CGGBP1: variants seen among roughly 807,000 people sequenced by gnomAD.
CGGBP1 encodes CGG triplet repeat binding protein 1.
Under a neutral mutation model 11.4 loss-of-function variants are expected in CGGBP1, and 4 were observed. The ratio of observed to expected loss-of-function variants is 0.35; its 90% CI spans 0.17 to 0.80. The LOEUF (loss-of-function observed/expected upper bound fraction) is 0.80. CGGBP1 is among the 30% of genes least tolerant of loss of function. The probability of loss-of-function intolerance (pLI) is 0.52; values close to 1 mark genes in which losing one functional copy is unlikely to be tolerated. For missense variants in CGGBP1, 135 were observed against 202.1 expected (o/e 0.67, Z 2.01); for synonymous variants, 76 against 74.1 (o/e 1.03, Z -0.13).
Position 88,070,574 on chromosome 3 carries a change from T to G in CGGBP1, c.-228-12351A>C, listed in dbSNP as rs1180312576. ...AGGCAACACTGCCTGTTTTTTTTTT[T>G]TTTTTTTTTTTTTTTGCAGATCATA... On this transcript the variant is annotated intron_variant, in intron 2 of 3. Coordinates refer to the CGGBP1 transcript ENST00000462901. 1.3e-3 allele frequency among the ~76,000 whole-genome samples: 26 copies of G among 19,768 alleles called. No homozygotes were observed. In the Admixed American group the frequency reaches 0.03, roughly 23 times the overall value. The allele number at this position is 19,768 out of a possible 152,430, so 13.0% of individuals were successfully genotyped here.
chr3:88,083,254 T>A (rs1708173847), intron 2 of CGGBP1, among the ~76,000 whole-genome samples: 1 of 152,224 alleles, frequency 6.6e-6, no homozygotes, highest in African/African-American at 2.4e-5. Context: ...AGATGATATA[T>A]TTTAGTGTTC....
At chr3:88,148,405 C>T (rs1264815535) in intron 1 of CGGBP1, among the ~76,000 whole-genome samples, 2 of 152,162 alleles carry the variant, frequency 1.3e-5, no homozygotes, top group African/African-American at 2.4e-5. Flanking sequence ...CATATTTTAG[C>T]ACTTATCTTG....
At chr3:88,065,991 C>T (rs559814020) in intron 2 of CGGBP1, among the ~76,000 whole-genome samples, 34 of 152,276 alleles carry the variant, frequency 2.2e-4, no homozygotes, top group African/African-American at 7.9e-4. Flanking sequence ...ACTGTGGCCT[C>T]CCATGATGCT....
At chr3:88,128,243 G>A (rs78560074) in intron 2 of CGGBP1, among the ~76,000 whole-genome samples, 9 of 152,012 alleles carry the variant, frequency 5.9e-5, no homozygotes, top group African/African-American at 2.2e-4. Flanking sequence ...ATTATCCTTA[G>A]TAATACATAA....
chr3:88,069,762 G>A (rs1707405220), intron 2 of CGGBP1, among the ~76,000 whole-genome samples: 2 of 152,120 alleles, frequency 1.3e-5, no homozygotes, highest in Non-Finnish European at 2.9e-5. Flanking sequence ...ACAAATTATA[G>A]CAGTTCTCAA....
At chr3:88,146,112 T>TAA (rs1336894030) in intron 1 of CGGBP1, among the ~76,000 whole-genome samples, 1 of 152,184 alleles carries the variant, frequency 6.6e-6, no homozygotes, top group African/African-American at 2.4e-5. Flanking sequence ...CAGTGATTCT[T>TAA]AAAGCGTGGT....
chr3:88,094,597 A>T (rs996382794), intron 2 of CGGBP1, among the ~76,000 whole-genome samples: 30 of 152,148 alleles, frequency 2.0e-4, no homozygotes, highest in African/African-American at 7.2e-4. Context: ...GTCAGTGTGG[A>T]TATACAAAAA....
chr3:88,096,762 G>A (rs4434168), intron 2 of CGGBP1, among the ~76,000 whole-genome samples: 118,948 of 151,924 alleles, frequency 0.78, 47,467 homozygotes, highest in South Asian at 0.91. Context: ...TTCGAAAAGT[G>A]TGGCGTATAC....
At chr3:88,093,811 T>C (rs1471734286) in intron 2 of CGGBP1, among the ~76,000 whole-genome samples, 1 of 152,190 alleles carries the variant, frequency 6.6e-6, no homozygotes, top group Non-Finnish European at 1.5e-5. Context: ...GGAAATGACT[T>C]GGAAATAAAG....
At chr3:88,129,531 A>G (rs1450546636) in intron 2 of CGGBP1, among the ~76,000 whole-genome samples, 1 of 152,168 alleles carries the variant, frequency 6.6e-6, no homozygotes, top group African/African-American at 2.4e-5. Flanking sequence ...CAGTGAAACT[A>G]TGAAACCATG....
chr3:88,091,180 A>G (rs1708612275), intron 2 of CGGBP1, among the ~76,000 whole-genome samples: 1 of 152,188 alleles, frequency 6.6e-6, no homozygotes, highest in South Asian at 2.1e-4. Flanking sequence ...TTCTCAGAAC[A>G]TATCCCTGTC....
Position 88,108,872 on chromosome 3 carries a change from T to G in CGGBP1, c.-229+32098A>C, listed in dbSNP as rs1173507254. Reference sequence around the variant, plus strand: ...TGCTGAGGTTGCTAAAATCTCACAGTGAGAACAAATTTCCTATCTCTGAAA... The same window carrying G: ...TGCTGAGGTTGCTAAAATCTCACAGGGAGAACAAATTTCCTATCTCTGAAA... On this transcript the variant is annotated intron_variant, in intron 2 of 3. Coordinates refer to the CGGBP1 transcript ENST00000462901. Among the ~76,000 whole-genome samples the G allele has an allele frequency of 2.0e-5, 3 of 151,988 alleles. No individual in the cohort carries two copies. The East Asian group carries it at 5.8e-4, about 29-fold the overall frequency.
chr3:88,141,195 C>T, intron 1 of CGGBP1: 1 of 880,740 alleles, frequency 1.1e-6, no homozygotes, highest in Non-Finnish European at 1.7e-6. Context: ...TCCTTTAATA[C>T]ATACAACCAC....
intron 2 of CGGBP1, among the ~76,000 whole-genome samples, chr3:88,098,107 G>A (rs1370763115): frequency 6.6e-6 from 1 of 151,994 alleles, no homozygotes; most frequent in Non-Finnish European, 1.5e-5. Context: ...GAAGAAAAGA[G>A]AGAAGAATCA....
At chr3:88,088,519 TATG>T (rs1708455333) in intron 2 of CGGBP1, among the ~76,000 whole-genome samples, 1 of 151,916 alleles carries the variant, frequency 6.6e-6, no homozygotes, top group African/African-American at 2.4e-5. Flanking sequence ...ATTAAGAAAA[TATG>T]ATGGTTAAAA....
chr3:88,077,365 G>T (rs1239999634), intron 2 of CGGBP1, among the ~76,000 whole-genome samples: 10 of 141,624 alleles, frequency 7.1e-5, no homozygotes, highest in Admixed American at 5.2e-4. Context: ...ACGGAGTCTC[G>T]CTCTGTTGCC....
chr3:88,087,165 A>C (rs1441113609), intron 2 of CGGBP1, among the ~76,000 whole-genome samples: 6 of 151,332 alleles, frequency 4.0e-5, no homozygotes, highest in Admixed American at 2.0e-4. Flanking sequence ...CGCAACCTCT[A>C]CCTCCCAGGT....
At chr3:88,132,767 A>AT (rs1706542788) in intron 2 of CGGBP1, among the ~76,000 whole-genome samples, 1 of 152,236 alleles carries the variant, frequency 6.6e-6, no homozygotes. Flanking sequence ...TTTAATAAAG[A>AT]TGCTGAATAG....
At chr3:88,085,512 G>A (rs1330167775) in intron 2 of CGGBP1, among the ~76,000 whole-genome samples, 1 of 152,136 alleles carries the variant, frequency 6.6e-6, no homozygotes, top group African/African-American at 2.4e-5. Context: ...AGGCAGGCAG[G>A]CAGTAGTTTT....
Sources: gnomAD v4.1 joint callset for allele counts (sites outside exome capture counted in the v4.1 genomes callset) on GRCh38, gnomAD v4.1.1 for gene constraint, MANE v1.5 for transcripts, NCBI Gene and HGNC (gene_info 2026-07-23, HGNC 2026-07-21) for gene names.